The following ATG7 variants were observed in gnomAD, a reference collection of about 807,000 sequenced individuals.
The protein encoded by ATG7 is autophagy related 7, also known as ubiquitin-like modifier-activating enzyme ATG7.
A neutral mutation model predicts 82.4 loss-of-function variants in ATG7; 70 were observed. That is an observed-to-expected ratio of 0.85 (90% CI 0.70 to 1.04). ATG7 has a LOEUF of 1.04. Ranked by LOEUF, ATG7 falls within the 50% of genes least tolerant of loss-of-function variation. The pLI, the probability that ATG7 is intolerant of heterozygous loss-of-function variation, is 0.00. For synonymous variants in ATG7, 287 were observed against 313.0 expected (o/e 0.92, Z 0.88); for missense variants, 792 against 864.3 (o/e 0.92, Z 1.05).
At position 11,272,417 on chromosome 3, in the gene ATG7, G is replaced by C. The variant is rs935755199; in HGVS notation, c.-379G>C. The C allele has an allele frequency of 6.6e-6, 1 of 152,516 alleles. No individual in the cohort carries two copies. Among genetic ancestry groups the C allele is most frequent in the Non-Finnish European group, 1.5e-5 (1 of 68,132 alleles). The allele number at this position is 152,516 out of a possible 1,614,324, so 9.4% of individuals were successfully genotyped here. A position where few individuals can be genotyped will look rare whatever the true frequency, so the allele number is the denominator to read the frequency against. ...GCCTCAGAGAGAGCTGTGGTTGCCG[G>C]AAGTTGAGCGGCGGTAAGTGAGCCG... On this transcript the variant is annotated 5_prime_UTR_variant, in exon 1 of 21. Coordinates refer to ENST00000693202, the MANE Select transcript of ATG7 (RefSeq NM_001349232.2).
chr3:11,412,260 TC>T (rs1233360384), intron 19 of ATG7, among the ~76,000 whole-genome samples: 2 of 138,280 alleles, frequency 1.4e-5, no homozygotes, highest in African/African-American at 2.9e-5. Flanking sequence ...GTTATTTGAT[TC>T]TTTTTTTTTT....
chr3:11,561,484 C>T (rs373869317), downstream of ATG7, among the ~76,000 whole-genome samples: 3 of 152,318 alleles, frequency 2.0e-5, no homozygotes, highest in East Asian at 3.9e-4. Context: ...TCCTCCTCCC[C>T]ACAACCCAGG....
At chr3:11,289,521 T>C (rs1036346342) in intron 3 of ATG7, among the ~76,000 whole-genome samples, 3 of 152,216 alleles carry the variant, frequency 2.0e-5, no homozygotes, top group Non-Finnish European at 4.4e-5. Flanking sequence ...TATCCTCTTA[T>C]GAAATAGGCC....
intron 20 of ATG7, among the ~76,000 whole-genome samples, chr3:11,431,092 T>A (rs2082833724): frequency 6.6e-6 from 1 of 152,334 alleles, no homozygotes; most frequent in South Asian, 2.1e-4. Flanking sequence ...TGAGTTATAA[T>A]TCACATACCA....
At chr3:11,568,778 G>A in the ATG7 span, 7 of 1,480,178 alleles carry the variant, frequency 4.7e-6, no homozygotes, top group Admixed American at 2.2e-5. This position sits in a 1 kb window ranked among gnomAD's most constrained non-coding sequence, Gnocchi z 5.9. Flanking sequence ...CTCCGCTCCT[G>A]GTCAGGACTG....
intron 20 of ATG7, among the ~76,000 whole-genome samples, chr3:11,483,317 C>G (rs2089232154): frequency 6.6e-6 from 1 of 152,136 alleles, no homozygotes; most frequent in Non-Finnish European, 1.5e-5. Context: ...TTTCCAGCTG[C>G]CCAAAATCAC....
the ATG7 span, among the ~76,000 whole-genome samples, chr3:11,562,732 A>G: frequency 6.6e-6 from 1 of 152,252 alleles, no homozygotes; most frequent in East Asian, 1.9e-4. Context: ...CAAGGAGGGC[A>G]GGACTGACCA....
At chr3:11,331,928 C>T (rs966679504) in intron 10 of ATG7, among the ~76,000 whole-genome samples, 1 of 152,110 alleles carries the variant, frequency 6.6e-6, no homozygotes, top group African/African-American at 2.4e-5. Context: ...AATGTCTGTA[C>T]CAAGTGTTGT....
At chr3:11,324,348 C>G (rs1251363657) in intron 9 of ATG7, among the ~76,000 whole-genome samples, 5 of 152,192 alleles carry the variant, frequency 3.3e-5, no homozygotes, top group Non-Finnish European at 7.4e-5. Context: ...AAGATAGATT[C>G]TGAGTTGATT....
chr3:11,414,185 C>A (rs2081166279), intron 19 of ATG7, among the ~76,000 whole-genome samples: 1 of 152,184 alleles, frequency 6.6e-6, no homozygotes, highest in South Asian at 2.1e-4. Context: ...CCTGCTTCAG[C>A]TTCCTGAGTA....
chr3:11,575,266 G>A, the ATG7 span, among the ~76,000 whole-genome samples: 3 of 152,338 alleles, frequency 2.0e-5, no homozygotes, highest in East Asian at 1.9e-4. Flanking sequence ...GCAAACGGGC[G>A]TCCATTCTGC....
At chr3:11,523,770 G>A (rs895335349) in intron 20 of ATG7, among the ~76,000 whole-genome samples, 1 of 152,162 alleles carries the variant, frequency 6.6e-6, no homozygotes, top group African/African-American at 2.4e-5. Flanking sequence ...CTCTGATTAC[G>A]GCCAAAACAG....
In ATG7 at chr3:11,438,360, G is replaced by A. The variant is rs144875981; in HGVS notation, c.2079+11434G>A. Among the ~76,000 whole-genome samples the A allele has an allele frequency of 3.2e-4, 48 of 152,242 alleles. No individual in the cohort carries two copies. In the East Asian group the frequency reaches 8.7e-3, roughly 28 times the overall value. ...TTTCAATATTTTGAAAAGTCAAACAGGAGTAAAACATTTAGGACTTGAAAA... is the reference window on the plus strand; with the variant it reads ...TTTCAATATTTTGAAAAGTCAAACAAGAGTAAAACATTTAGGACTTGAAAA... On this transcript the variant is annotated intron_variant, in intron 20 of 20. Coordinates refer to ENST00000693202, the MANE Select transcript of ATG7 (RefSeq NM_001349232.2).
intron 20 of ATG7, among the ~76,000 whole-genome samples, chr3:11,475,492 G>A (rs1242956938): frequency 2.0e-5 from 3 of 152,134 alleles, no homozygotes; most frequent in Non-Finnish European, 4.4e-5. Flanking sequence ...AGGTGCAAAA[G>A]AGAAGACCCC....
chr3:11,472,870 T>G (rs2087707552), intron 20 of ATG7, among the ~76,000 whole-genome samples: 2 of 152,222 alleles, frequency 1.3e-5, no homozygotes, highest in Non-Finnish European at 2.9e-5. Context: ...GAAATCTTAT[T>G]TTTCTTGATA....
At chr3:11,352,462 C>T (rs962582549) in intron 14 of ATG7, among the ~76,000 whole-genome samples, 1 of 152,114 alleles carries the variant, frequency 6.6e-6, no homozygotes, top group African/African-American at 2.4e-5. Flanking sequence ...GTTTACAGTC[C>T]CACCAACAGT....
At chr3:11,478,275 C>G (rs780008567) in intron 20 of ATG7, among the ~76,000 whole-genome samples, 3 of 152,314 alleles carry the variant, frequency 2.0e-5, no homozygotes, top group Non-Finnish European at 4.4e-5. Flanking sequence ...CAGAATGAAT[C>G]TCTATCTCTC....
chr3:11,417,266 G>A lies in ATG7; in HGVS notation c.1957-9538G>A, dbSNP rs2081448686. Among the ~76,000 whole-genome samples the A allele has an allele frequency of 3.3e-5, 5 of 152,186 alleles. No individual in the cohort carries two copies. The South Asian group carries it at 1.0e-3, about 32-fold the overall frequency. On this transcript the variant is annotated intron_variant, in intron 19 of 20. Transcript: ENST00000693202. ...GCTGGATCTTTCTACTTCTGATAGAGCAGTATTGAAGTCTACAGCTACAAA... is the reference window on the plus strand; with the variant it reads ...GCTGGATCTTTCTACTTCTGATAGAACAGTATTGAAGTCTACAGCTACAAA...
chr3:11,301,021 G>A lies in ATG7; in HGVS notation c.215+1605G>A, dbSNP rs1408143004. 5.9e-5 allele frequency among the ~76,000 whole-genome samples: 9 copies of A among 152,168 alleles called. No individual in the cohort carries two copies. The South Asian group carries it at 8.3e-4, about 14-fold the overall frequency. On this transcript the variant is annotated intron_variant, in intron 5 of 20. Transcript: ENST00000693202. ...TCTGTATAGTATAAGAACAAAAGGCGCAAACAGTGAATGGCTCTAATTAGG... is the reference window on the plus strand; with the variant it reads ...TCTGTATAGTATAAGAACAAAAGGCACAAACAGTGAATGGCTCTAATTAGG...
Sources: allele counts gnomAD v4.1 joint callset (sites outside exome capture counted in the v4.1 genomes callset), GRCh38; gene constraint gnomAD v4.1.1; non-coding constraint Gnocchi (gnomAD v3.1); transcripts MANE v1.5; gene names NCBI Gene and HGNC (gene_info 2026-07-23, HGNC 2026-07-21).